The following GBE1 variants were observed in gnomAD, a reference collection of about 807,000 sequenced individuals.
The protein encoded by GBE1 is 1,4-alpha-glucan branching enzyme 1.
Under a neutral mutation model 88.8 loss-of-function variants are expected in GBE1, and 70 were observed. The observed-to-expected ratio is 0.79, with a 90% CI of 0.65 to 0.96. The LOEUF (loss-of-function observed/expected upper bound fraction) is 0.96, where lower values mean the gene tolerates loss of function less well. GBE1 is among the 40% of genes least tolerant of loss of function. GBE1 has a pLI of 0.00. For missense variants in GBE1, 872 were observed against 871.0 expected, an observed-to-expected ratio of 1.00 and a Z score of -0.01; for synonymous variants, 284 against 300.1, an observed-to-expected ratio of 0.95 and a Z score of 0.56.
chr3:81,635,632 GAAA>G (rs1559671237), intron 7 of GBE1, among the ~76,000 whole-genome samples: 2 of 152,138 alleles, frequency 1.3e-5, no homozygotes, highest in East Asian at 3.9e-4. Flanking sequence ...GATAAAAACA[GAAA>G]AATTGATTTT....
chr3:81,638,169 C>T (rs1045518641), intron 7 of GBE1, among the ~76,000 whole-genome samples: 2 of 152,026 alleles, frequency 1.3e-5, no homozygotes, highest in Non-Finnish European at 2.9e-5. Flanking sequence ...ACCAATTGGA[C>T]TCACTTTTGT....
intron 7 of GBE1, among the ~76,000 whole-genome samples, chr3:81,598,867 GTTTTC>G (rs148766925): frequency 3.6e-4 from 54 of 151,822 alleles, no homozygotes; most frequent in African/African-American, 1.2e-3. Flanking sequence ...TGGTTTTGAA[GTTTTC>G]TTTTCAATAT....
intron 9 of GBE1, among the ~76,000 whole-genome samples, chr3:81,586,792 T>C (rs2106946122): frequency 8.9e-5 from 2 of 22,550 alleles, no homozygotes; most frequent in East Asian, 0.03. Flanking sequence ...GATAGAGAAT[T>C]TTTTTTTTTT....
At chr3:81,742,859 G>A (rs1361380153) in intron 1 of GBE1, among the ~76,000 whole-genome samples, 2 of 152,018 alleles carry the variant, frequency 1.3e-5, no homozygotes, top group Non-Finnish European at 1.5e-5. Flanking sequence ...AAGGTTAAGC[G>A]GTATGTGAGA....
intron 3 of GBE1, among the ~76,000 whole-genome samples, chr3:81,658,066 C>A (rs771282306): frequency 6.6e-6 from 1 of 152,022 alleles, no homozygotes; most frequent in African/African-American, 2.4e-5. Context: ...TCACTAGATA[C>A]CATTATTTTA....
intron 14 of GBE1, among the ~76,000 whole-genome samples, chr3:81,533,922 A>T (rs975198080): frequency 6.6e-6 from 1 of 152,098 alleles, no homozygotes; most frequent in African/African-American, 2.4e-5. Flanking sequence ...AATTGAAAGC[A>T]AAAAGAATGA....
Position 81,670,943 on chromosome 3 carries a change from A to C in GBE1, c.324T>G (p.Asn108Lys). The change falls in exon 3 of 16, where the codon AAT (asparagine) becomes AAG (lysine). Residue 108 changes from asparagine to lysine, a missense_variant. By Grantham distance (94) the Asn-to-Lys change is moderately conservative. Coordinates refer to ENST00000429644, the MANE Select transcript of GBE1 (RefSeq NM_000158.4). Reference sequence around the variant, plus strand: ...GTTTTTTGTATGGGTACGAAAATGGATTCCAACCATCTAAAAAAATGAAGA... The same window carrying C: ...GTTTTTTGTATGGGTACGAAAATGGCTTCCAACCATCTAAAAAAATGAAGA... ...VFLTGDFNGWNPFSYPYKKLD... is the reference protein window; with the variant it reads ...VFLTGDFNGWKPFSYPYKKLD... 1 of 1,529,588 alleles carries C rather than the reference A, an allele frequency of 6.5e-7. No individual in the cohort carries two copies. Among genetic ancestry groups the C allele is most frequent in the Non-Finnish European group, 8.9e-7 (1 of 1,128,772 alleles). 94.8% of individuals were successfully genotyped at this position (1,529,588 alleles called of 1,614,324 possible). A position where few individuals can be genotyped will look rare whatever the true frequency, so the allele number is the denominator to read the frequency against.
chr3:81,579,948 G>A (rs1703698669), intron 11 of GBE1, among the ~76,000 whole-genome samples: 1 of 152,086 alleles, frequency 6.6e-6, no homozygotes, highest in South Asian at 2.1e-4. Flanking sequence ...TGTGTTCCAA[G>A]TAACCTTATT....
chr3:81,631,629 C>A (rs1214540238), intron 7 of GBE1, among the ~76,000 whole-genome samples: 1 of 150,774 alleles, frequency 6.6e-6, no homozygotes, highest in Non-Finnish European at 1.5e-5. Context: ...CACCTGTAGT[C>A]CCAGGTACTC....
intron 6 of GBE1, among the ~76,000 whole-genome samples, chr3:81,643,959 A>G (rs912839929): frequency 1.3e-5 from 2 of 152,080 alleles, no homozygotes; most frequent in African/African-American, 4.8e-5. Context: ...TAATTATCTT[A>G]TGACACTCTC....
chr3:81,760,051 C>T (rs1232383243), intron 1 of GBE1, among the ~76,000 whole-genome samples: 3 of 152,104 alleles, frequency 2.0e-5, no homozygotes, highest in Non-Finnish European at 2.9e-5. Flanking sequence ...AACCTTAAAC[C>T]TATGACGATT....
intron 2 of GBE1, among the ~76,000 whole-genome samples, chr3:81,682,645 A>G (rs966197015): frequency 3.3e-5 from 5 of 152,174 alleles, no homozygotes; most frequent in African/African-American, 4.8e-5. Context: ...AACCTTATAT[A>G]CTACTGGTGG....
intron 14 of GBE1, among the ~76,000 whole-genome samples, chr3:81,512,149 C>T (rs925754917): frequency 1.3e-5 from 2 of 151,832 alleles, no homozygotes; most frequent in African/African-American, 4.8e-5. Context: ...ACATTGGGTA[C>T]ACATGAACAT....
At chr3:81,499,365 A>G (rs28763898) in intron 14 of GBE1, 138 bp from the exon 15 acceptor site, 19 of 679,098 alleles carry the variant, frequency 2.8e-5, no homozygotes, top group Non-Finnish European at 4.1e-5. Context: ...TTCTTCTTTT[A>G]TAGTTTTATG....
intron 1 of GBE1, among the ~76,000 whole-genome samples, chr3:81,716,078 ACAAT>A (rs1705933038): frequency 6.6e-6 from 1 of 152,186 alleles, no homozygotes. Context: ...TCTCTAAAAC[ACAAT>A]CAAATGCATT....
chr3:81,527,465 T>C (rs146225911), intron 14 of GBE1, among the ~76,000 whole-genome samples: 2,429 of 152,292 alleles, frequency 0.016, 68 homozygotes, highest in African/African-American at 0.054. Flanking sequence ...TTTTGCAATC[T>C]ATTCATCTGA....
At chr3:81,750,852 TG>T (rs1346457671) in intron 1 of GBE1, among the ~76,000 whole-genome samples, 2 of 150,798 alleles carry the variant, frequency 1.3e-5, no homozygotes, top group Non-Finnish European at 2.9e-5. Context: ...GGCTAATTTT[TG>T]TATTTTTAGT....
chr3:81,655,833 T>C (rs1015433630), intron 3 of GBE1, among the ~76,000 whole-genome samples: 13 of 152,214 alleles, frequency 8.5e-5, no homozygotes, highest in African/African-American at 1.7e-4. Context: ...TGTGTGTTTT[T>C]AATAGTCACA....
At chr3:81,557,713 A>G (rs1703365902) in intron 12 of GBE1, among the ~76,000 whole-genome samples, 1 of 152,052 alleles carries the variant, frequency 6.6e-6, no homozygotes, top group Non-Finnish European at 1.5e-5. Flanking sequence ...TACATTAAAG[A>G]AATGGTCAAA....
Sources: allele counts gnomAD v4.1 joint callset (sites outside exome capture counted in the v4.1 genomes callset), GRCh38; gene constraint gnomAD v4.1.1; transcripts MANE v1.5; gene names NCBI Gene and HGNC (gene_info 2026-07-23, HGNC 2026-07-21).